SSBP3: variants seen among roughly 807,000 people sequenced by gnomAD.
SSBP3 encodes single stranded DNA binding protein 3.
SSBP3 carries 5 observed loss-of-function variants against 69.6 expected under a neutral mutation model. The ratio of observed to expected loss-of-function variants is 0.07; its 90% confidence interval spans 0.04 to 0.15. The LOEUF (loss-of-function observed/expected upper bound fraction) is 0.15, where lower values mean the gene tolerates loss of function less well. Among genes scored for constraint, SSBP3 ranks in the 10% least tolerant of loss-of-function variants. The pLI is 1.00. For synonymous variants in SSBP3, 196 were observed against 193.4 expected (o/e 1.01, Z -0.11); for missense variants, 312 against 534.0 (o/e 0.58, Z 4.10).
intron 4 of SSBP3, among the ~76,000 whole-genome samples, chr1:54,316,625 G>A (rs1646103574): frequency 1.5e-5 from 2 of 130,454 alleles, no homozygotes; most frequent in Admixed American, 1.7e-4. Flanking sequence ...TCCCACCTGG[G>A]CGACAGAGCG....
intron 4 of SSBP3, among the ~76,000 whole-genome samples, chr1:54,340,014 A>G (rs954517159): frequency 6.6e-6 from 1 of 152,152 alleles, no homozygotes; most frequent in Non-Finnish European, 1.5e-5. Context: ...GGGTAGGAGC[A>G]GGACCCCATG....
At chr1:54,312,902 A>G (rs1439655416) in intron 4 of SSBP3, among the ~76,000 whole-genome samples, 3 of 152,022 alleles carry the variant, frequency 2.0e-5, no homozygotes. Flanking sequence ...TCCACTTTGA[A>G]TCCACTTCAG....
chr1:54,385,984 A>G (rs1648049929), intron 4 of SSBP3, among the ~76,000 whole-genome samples: 1 of 152,244 alleles, frequency 6.6e-6, no homozygotes, highest in South Asian at 2.1e-4. Context: ...CCCATTCTGG[A>G]TCACCCACAG....
At chr1:54,233,572 G>T (rs1404946192) in intron 14 of SSBP3, among the ~76,000 whole-genome samples, 1 of 143,272 alleles carries the variant, frequency 7.0e-6, no homozygotes, top group Admixed American at 6.9e-5. Flanking sequence ...CAGCCGCCCC[G>T]TCGGGGAGGG....
At chr1:54,380,752 G>A (rs1267839836) in intron 4 of SSBP3, among the ~76,000 whole-genome samples, 1 of 152,144 alleles carries the variant, frequency 6.6e-6, no homozygotes, top group Non-Finnish European at 1.5e-5. Context: ...CAACCATGGG[G>A]TTGGGGGTGT....
At chr1:54,310,263 GCTTT>G (rs1645976678) in intron 4 of SSBP3, among the ~76,000 whole-genome samples, 1 of 152,152 alleles carries the variant, frequency 6.6e-6, no homozygotes, top group Non-Finnish European at 1.5e-5. Flanking sequence ...TCTCAGCCAG[GCTTT>G]CTTCTCTCTC....
chr1:54,226,980 A>C, exon 18 of SSBP3: 1 of 534,796 alleles, frequency 1.9e-6, no homozygotes. Flanking sequence ...TGGGAAAGGT[A>C]GGGGGCGTGG....
intron 4 of SSBP3, among the ~76,000 whole-genome samples, chr1:54,396,293 T>C (rs1236144493): frequency 2.7e-5 from 4 of 149,364 alleles, no homozygotes; most frequent in Admixed American, 2.0e-4. Flanking sequence ...CCCAGCAACA[T>C]GTATTAAAGA....
At chr1:54,314,440 A>G (rs917859318) in intron 4 of SSBP3, among the ~76,000 whole-genome samples, 1 of 152,226 alleles carries the variant, frequency 6.6e-6, no homozygotes, top group Non-Finnish European at 1.5e-5. Context: ...ATGTCACCAA[A>G]GGCTGTGGCC....
At position 54,339,568 on chromosome 1, in the gene SSBP3, TA is replaced by T. The variant is rs879633172; in HGVS notation, c.277-58042del. Among the ~76,000 whole-genome samples, 188 of 144,452 alleles carry T rather than the reference TA, an allele frequency of 1.3e-3. 4 individuals carry two copies. The South Asian group carries it at 0.028, about 22-fold the overall frequency. 94.8% of individuals were successfully genotyped at this position (144,452 alleles called of 152,430 possible). A position where few individuals can be genotyped will look rare whatever the true frequency, so the allele number is the denominator to read the frequency against. On this transcript the variant is annotated intron_variant, in intron 4 of 17. Coordinates refer to ENST00000610401, the Ensembl canonical transcript of SSBP3. ...CCTAGCCCTAGCACATAGTAACCAC[TA>T]AAAAAAAAAACATCATTGCAGGAGA...
chr1:54,390,370 A>T (rs1461314740), intron 4 of SSBP3, among the ~76,000 whole-genome samples: 1 of 152,112 alleles, frequency 6.6e-6, no homozygotes, highest in African/African-American at 2.4e-5. Context: ...CGCGGCAAAC[A>T]TCCTGATTTC....
intron 4 of SSBP3, among the ~76,000 whole-genome samples, chr1:54,323,341 G>C (rs1422242723): frequency 6.6e-6 from 1 of 152,202 alleles, no homozygotes; most frequent in East Asian, 1.9e-4. Flanking sequence ...AGGAAACAGA[G>C]GCAAGATCTC....
In SSBP3 at chr1:54,307,907, C is replaced by CG. The variant is rs201139996; in HGVS notation, c.277-26381dup. On this transcript the variant is annotated intron_variant, in intron 4 of 17. Coordinates refer to ENST00000610401, the Ensembl canonical transcript of SSBP3. The stretch of plus-strand genomic sequence containing the variant: ...ATAAAAATGAGCAATCAGCAGCCCT[C>CG]GGGGCTGCTCTGTCTATAGAGTAAC... Among the ~76,000 whole-genome samples the CG allele has an allele frequency of 5.2e-3, 792 of 152,336 alleles. 11 individuals carry two copies. Among genetic ancestry groups the CG allele is most frequent in the African/African-American group, 0.018 (757 of 41,576 alleles).
At chr1:54,383,937 T>A (rs564149874) in intron 4 of SSBP3, among the ~76,000 whole-genome samples, 5 of 152,076 alleles carry the variant, frequency 3.3e-5, no homozygotes, top group Admixed American at 2.6e-4. Context: ...AAACCCCATC[T>A]CTACTAAAAG....
intron 5 of SSBP3, among the ~76,000 whole-genome samples, chr1:54,261,041 G>A (rs949295229): frequency 5.9e-5 from 9 of 152,150 alleles, no homozygotes; most frequent in Non-Finnish European, 1.0e-4. Flanking sequence ...GGCCACCCAC[G>A]TCCACATCCA....
At position 54,328,099 on chromosome 1, in the gene SSBP3, G is replaced by A. The variant is rs137983132; in HGVS notation, c.277-46572C>T. 8.9e-3 allele frequency among the ~76,000 whole-genome samples: 1,351 copies of A among 152,208 alleles called. 16 individuals are homozygous for A. The highest frequency in any genetic ancestry group is 0.044 in the Middle Eastern group (13 of 294). ...AGGGAGAATGAGGGCTTGTACCCTG[G>A]AGTCACTCCACAGCCGTCTTGACCT... On this transcript the variant is annotated intron_variant, in intron 4 of 17. Coordinates refer to ENST00000610401, the Ensembl canonical transcript of SSBP3.
At chr1:54,404,465 C>T (rs1197404839) in intron 3 of SSBP3, 111 bp downstream of exon 3, 3 of 1,350,292 alleles carry the variant, frequency 2.2e-6, no homozygotes, top group Non-Finnish European at 3.2e-6. Context: ...CTCTGTGCAA[C>T]GCAGAGGGCC....
intron 4 of SSBP3, among the ~76,000 whole-genome samples, chr1:54,386,703 T>TTTTTTTTTTTTTTTTTTTTTTC (rs1648115956): frequency 7.1e-6 from 1 of 140,484 alleles, no homozygotes; most frequent in Non-Finnish European, 1.6e-5. Flanking sequence ...TTTTTTTTTT[T>TTTTTTTTTTTTTTTTTTTTTTC]TAAGAGATGG....
intron 4 of SSBP3, among the ~76,000 whole-genome samples, chr1:54,332,866 A>C (rs1187317159): frequency 1.3e-5 from 2 of 152,226 alleles, no homozygotes; most frequent in Non-Finnish European, 2.9e-5. Context: ...GGGACAAGTA[A>C]AGTGTGTCAC....
Sources: gnomAD v4.1 joint callset for allele counts (sites outside exome capture counted in the v4.1 genomes callset) on GRCh38, gnomAD v4.1.1 for gene constraint, MANE v1.5 for transcripts, NCBI Gene and HGNC (gene_info 2026-07-23, HGNC 2026-07-21) for gene names.